Variants in PTPRK observed in about 807,000 individuals in gnomAD.
PTPRK encodes protein tyrosine phosphatase receptor type K.
In PTPRK, 75 loss-of-function variants were observed where a neutral mutation model predicts 178.0. The ratio of observed to expected loss-of-function variants is 0.42; its 90% confidence interval spans 0.35 to 0.51. The LOEUF (loss-of-function observed/expected upper bound fraction) is 0.51. PTPRK is among the 20% of genes least tolerant of loss of function. PTPRK has a pLI of 0.02. For synonymous variants in PTPRK, 637 were observed against 620.6 expected, an observed-to-expected ratio of 1.03 and a Z score of -0.39; for missense variants, 1,441 against 1,797.8, an observed-to-expected ratio of 0.80 and a Z score of 3.59.
intron 7 of PTPRK, among the ~76,000 whole-genome samples, chr6:128,167,259 G>A (rs974018244): frequency 2.0e-5 from 3 of 151,878 alleles, no homozygotes; most frequent in Admixed American, 6.6e-5. Context: ...TTAACACAGC[G>A]TTTGCTGGCA....
chr6:128,263,101 C>T (rs945322483), intron 3 of PTPRK, among the ~76,000 whole-genome samples: 1 of 152,074 alleles, frequency 6.6e-6, no homozygotes, highest in Non-Finnish European at 1.5e-5. Flanking sequence ...CACAGGAACG[C>T]TCCCTGGGCC....
intron 2 of PTPRK, among the ~76,000 whole-genome samples, chr6:128,374,004 C>G (rs1201775386): frequency 6.6e-6 from 1 of 152,112 alleles, no homozygotes; most frequent in African/African-American, 2.4e-5. Context: ...TTTCCAGTAC[C>G]TTTCCAGTAC....
At chr6:128,079,933 AGTTTCTGATTCAGT>A (rs1358275418) in intron 10 of PTPRK, among the ~76,000 whole-genome samples, 5 of 150,786 alleles carry the variant, frequency 3.3e-5, no homozygotes, top group African/African-American at 1.2e-4. Context: ...TCTACCCTAG[AGTTTCTGATTCAGT>A]ATTTCTGGGG....
intron 1 of PTPRK, 34 bp from the exon 2 acceptor site, chr6:128,397,722 A>G: frequency 6.2e-7 from 1 of 1,605,598 alleles, no homozygotes; most frequent in Non-Finnish European, 8.5e-7. Context: ...TACATTCTAA[A>G]CAGATTTTCC....
At chr6:128,289,379 G>T (rs571265233) in intron 3 of PTPRK, among the ~76,000 whole-genome samples, 94 of 152,096 alleles carry the variant, frequency 6.2e-4, no homozygotes, top group Admixed American at 1.8e-3. Context: ...TATTCTTCAA[G>T]AAAATGAGCC....
At chr6:128,003,369 G>C in intron 15 of PTPRK, 1 of 866,454 alleles carries the variant, frequency 1.2e-6, no homozygotes, top group Non-Finnish European at 1.7e-6. Flanking sequence ...TTCTGCAAAT[G>C]TAAAATTTTC....
chr6:128,354,657 G>C (rs1252545660), intron 2 of PTPRK, among the ~76,000 whole-genome samples: 3 of 152,184 alleles, frequency 2.0e-5, no homozygotes, highest in African/African-American at 7.2e-5. Context: ...AACATGATTA[G>C]AAAGAGTAAG....
At chr6:128,009,061 GA>G in intron 14 of PTPRK, 68 bp downstream of exon 14, 1 of 1,413,426 alleles carries the variant, frequency 7.1e-7, no homozygotes. Context: ...AGGATCTTGA[GA>G]AAAACAGGTT....
At chr6:128,424,207 T>C (rs576746309) in intron 1 of PTPRK, among the ~76,000 whole-genome samples, 2 of 152,254 alleles carry the variant, frequency 1.3e-5, no homozygotes, top group South Asian at 4.1e-4. Context: ...CGCTCCAGAC[T>C]GGGTGATAGA....
At chr6:128,269,092 AAAC>A (rs1282784725) in intron 3 of PTPRK, among the ~76,000 whole-genome samples, 2 of 152,044 alleles carry the variant, frequency 1.3e-5, no homozygotes, top group African/African-American at 4.8e-5. Context: ...AGAGTTCAAA[AAAC>A]AACACATAGC....
At chr6:128,133,129 G>A (rs1032024865) in intron 7 of PTPRK, among the ~76,000 whole-genome samples, 1 of 152,126 alleles carries the variant, frequency 6.6e-6, no homozygotes, top group African/African-American at 2.4e-5. Flanking sequence ...ATTTAAAACT[G>A]TATGTTGAAA....
At position 128,067,643 on chromosome 6, in the gene PTPRK, T is replaced by C. The variant is rs1481144830; in HGVS notation, c.2033A>G (p.Asn678Ser). ...YYFAAELPPG[N>S]LPEPAPFTVG... ...AGTGAACGGGGCAGGCTCAGGTAGG[T>C]TTCCCGGGGGGAGTTCTGCAGCAAA... is the stretch of plus-strand genomic sequence containing the variant. Residue 678 changes from asparagine to serine, a missense_variant, in exon 12 of 30, where the codon AAC becomes AGC. Physicochemically the swap from Asn to Ser is conservative, Grantham distance 46. This residue lies in a region of PTPRK where 945 missense variants were observed against 1,080.6 expected (regional missense o/e 0.87). Coordinates refer to ENST00000368226, the MANE Select transcript of PTPRK (RefSeq NM_002844.4). The C allele has an allele frequency of 6.2e-7, 1 of 1,613,528 alleles. No individual in the cohort carries two copies. The highest frequency in any genetic ancestry group is 8.5e-7 in the Non-Finnish European group (1 of 1,179,746).
chr6:128,127,669 A>C (rs1793600349), intron 7 of PTPRK, among the ~76,000 whole-genome samples: 1 of 152,236 alleles, frequency 6.6e-6, no homozygotes, highest in African/African-American at 2.4e-5. Flanking sequence ...CTTGCCTTTT[A>C]GACGCAGCAT....
At chr6:128,211,996 C>A (rs1488413838) in intron 6 of PTPRK, among the ~76,000 whole-genome samples, 1 of 151,896 alleles carries the variant, frequency 6.6e-6, no homozygotes, top group Non-Finnish European at 1.5e-5. Context: ...TAAGACTCTC[C>A]CAGTGTAACT....
At chr6:128,300,810 T>A (rs561304111) in intron 3 of PTPRK, among the ~76,000 whole-genome samples, 2 of 152,120 alleles carry the variant, frequency 1.3e-5, no homozygotes, top group Non-Finnish European at 2.9e-5. Flanking sequence ...TGTATACATA[T>A]GTAACTAACC....
chr6:128,313,227 G>A (rs769093640), intron 3 of PTPRK, among the ~76,000 whole-genome samples: 41 of 152,080 alleles, frequency 2.7e-4, no homozygotes, highest in Non-Finnish European at 4.1e-4. Context: ...AAAAATAGTT[G>A]TACTTTTCCC....
chr6:128,513,127 T>C (rs987992146), intron 1 of PTPRK, among the ~76,000 whole-genome samples: 1 of 152,164 alleles, frequency 6.6e-6, no homozygotes, highest in Non-Finnish European at 1.5e-5. Flanking sequence ...AAAAAGCTTG[T>C]ATAGTACTGT....
At chr6:128,339,552 GCTGCTACAACACACATATGTAT>G (rs1484543035) in intron 2 of PTPRK, among the ~76,000 whole-genome samples, 3 of 152,048 alleles carry the variant, frequency 2.0e-5, no homozygotes, top group Admixed American at 1.3e-4. Context: ...AAACTGACAA[GCTGCTACAACACACATATGTAT>G]CTGGAGAGGC....
At chr6:128,425,745 C>A (rs1844055061) in intron 1 of PTPRK, among the ~76,000 whole-genome samples, 1 of 152,128 alleles carries the variant, frequency 6.6e-6, no homozygotes. Context: ...ATCCACTTAT[C>A]TGGGAAGCTT....
Sources: allele counts gnomAD v4.1 joint callset (sites outside exome capture counted in the v4.1 genomes callset), GRCh38; gene constraint gnomAD v4.1.1; regional missense constraint gnomAD v4.1.1; transcripts MANE v1.5; gene names NCBI Gene and HGNC (gene_info 2026-07-23, HGNC 2026-07-21).